The following R3HDM1 variants were observed in gnomAD, a reference collection of about 807,000 sequenced individuals.
R3HDM1 encodes the protein R3H domain containing 1, also known as R3H domain-containing protein 1.
A neutral mutation model predicts 141.1 loss-of-function variants in R3HDM1; 46 were observed. The observed-to-expected ratio is 0.33, with a 90% CI of 0.26 to 0.42. R3HDM1 has a LOEUF of 0.42. Among genes scored for constraint, R3HDM1 ranks in the 10% least tolerant of loss-of-function variants. The probability of loss-of-function intolerance (pLI) is 1.00; values close to 1 mark genes in which losing one functional copy is unlikely to be tolerated. For missense variants in R3HDM1, 1,184 were observed against 1,368.3 expected (o/e 0.87, Z 2.12); for synonymous variants, 435 against 472.9 (o/e 0.92, Z 1.04).
chr2:135,597,216 T>G (rs1441475616), intron 1 of R3HDM1: 4 of 976,988 alleles, frequency 4.1e-6, no homozygotes, highest in African/African-American at 1.8e-5. Context: ...TGTTGGTAAG[T>G]GTCATCATTA....
At chr2:135,698,052 CAAAAA>C (rs1193995693) in intron 21 of R3HDM1, among the ~76,000 whole-genome samples, 2 of 72,934 alleles carry the variant, frequency 2.7e-5, no homozygotes, top group Non-Finnish European at 2.8e-5. Context: ...AACTCTGTCT[CAAAAA>C]AAAAAAAAAA....
intron 19 of R3HDM1, among the ~76,000 whole-genome samples, chr2:135,662,519 G>A (rs997191759): frequency 2.0e-5 from 3 of 152,114 alleles, no homozygotes; most frequent in East Asian, 1.9e-4. Flanking sequence ...TAGTTTACAG[G>A]TTCTCCCCTT....
At chr2:135,690,160 A>G (rs1329027887) in intron 21 of R3HDM1, among the ~76,000 whole-genome samples, 1 of 151,964 alleles carries the variant, frequency 6.6e-6, no homozygotes, top group Non-Finnish European at 1.5e-5. Context: ...GTATTTCTCT[A>G]GTGTCCCTTT....
At chr2:135,669,727 A>G in intron 19 of R3HDM1, 2 of 269,972 alleles carry the variant, frequency 7.4e-6, no homozygotes, top group Non-Finnish European at 1.1e-5. Flanking sequence ...GCTGAAAAAC[A>G]GGGATAATAA....
intron 1 of R3HDM1, among the ~76,000 whole-genome samples, chr2:135,563,755 T>C (rs561461613): frequency 6.6e-5 from 10 of 152,304 alleles, no homozygotes; most frequent in African/African-American, 2.4e-4. Context: ...TTAGCTCTTA[T>C]GTATTATTCT....
At chr2:135,536,893 G>T (rs112742135) in intron 1 of R3HDM1, 144 of 190,452 alleles carry the variant, frequency 7.6e-4, no homozygotes, top group African/African-American at 3.2e-3. Flanking sequence ...GCATGCAAGG[G>T]ATCTGGGTTG....
chr2:135,646,179 C>A (rs13413639), intron 16 of R3HDM1, among the ~76,000 whole-genome samples: 72,634 of 148,808 alleles, frequency 0.49, 22,349 homozygotes, highest in East Asian at 0.88. Flanking sequence ...TCTGTCACCC[C>A]GGCTGGAGTG....
rs186696767 is a variant in R3HDM1, at chr2:135,650,017, A to G, written c.1725+14A>G. ...CAATACTCTGTGGTACTATATCTCT[A>G]TTCACCTCCTGCGTTGTTTCTGTGG... On this transcript the variant is annotated intron_variant, in intron 17 of 26. Coordinates refer to ENST00000683871, the MANE Select transcript of R3HDM1 (RefSeq NM_001378107.1). 463 of 1,235,652 alleles carry G rather than the reference A, an allele frequency of 3.7e-4. 1 individual carries two copies. Among genetic ancestry groups the G allele is most frequent in the Middle Eastern group, 9.0e-4 (4 of 4,458 alleles). 76.5% of individuals were successfully genotyped at this position (1,235,652 alleles called of 1,614,324 possible). A position where few individuals can be genotyped will look rare whatever the true frequency, so the allele number is the denominator to read the frequency against.
At chr2:135,567,420 T>G (rs763309761) in intron 1 of R3HDM1, among the ~76,000 whole-genome samples, 30 of 152,132 alleles carry the variant, frequency 2.0e-4, no homozygotes, top group Admixed American at 3.3e-4. Flanking sequence ...TAAGCTTTAC[T>G]TTTCACTCCC....
chr2:135,659,875 A>G lies in R3HDM1; in HGVS notation c.2029-1395A>G, dbSNP rs112562771. Among the ~76,000 whole-genome samples, 210 of 152,392 alleles carry G rather than the reference A, an allele frequency of 1.4e-3. 1 individual carries two copies. The highest frequency in any genetic ancestry group is 4.9e-3 in the African/African-American group (202 of 41,600). ...AAACAACTGCTAGCACAGTAGGACT[A>G]CAGACATGTGAGTGATGTATTGTGC... On this transcript the variant is annotated intron_variant, in intron 18 of 26. Coordinates refer to ENST00000683871, the MANE Select transcript of R3HDM1 (RefSeq NM_001378107.1).
At chr2:135,610,695 T>C (rs2060458942) in intron 3 of R3HDM1, among the ~76,000 whole-genome samples, 1 of 152,260 alleles carries the variant, frequency 6.6e-6, no homozygotes, top group African/African-American at 2.4e-5. Flanking sequence ...GATGAAACAA[T>C]TAACTTATTT....
At chr2:135,552,670 G>A (rs1700051088) in intron 1 of R3HDM1, among the ~76,000 whole-genome samples, 1 of 152,122 alleles carries the variant, frequency 6.6e-6, no homozygotes, top group Admixed American at 6.5e-5. Flanking sequence ...AGGCTTTAGA[G>A]GAAGTTGATA....
rs1382362897 is a variant in R3HDM1, at chr2:135,616,660, C to G, written c.214-8C>G. Reference sequence around the variant, plus strand: ...AATGTAGTGTTAATTATAAATACTTCTCTTTAGTCAAGCTCAAAGTTAAAG... The same window carrying G: ...AATGTAGTGTTAATTATAAATACTTGTCTTTAGTCAAGCTCAAAGTTAAAG... On this transcript the variant is annotated splice_region_variant and splice_polypyrimidine_tract_variant and intron_variant, in intron 4 of 26. Transcript: ENST00000683871. 1 of 1,586,320 alleles carries G rather than the reference C, an allele frequency of 6.3e-7. No homozygotes were observed. Among genetic ancestry groups the G allele is most frequent in the Non-Finnish European group, 8.6e-7 (1 of 1,158,938 alleles).
At chr2:135,584,471 A>G in intron 1 of R3HDM1, 1 of 789,682 alleles carries the variant, frequency 1.3e-6, no homozygotes, top group South Asian at 5.8e-5. Flanking sequence ...GTGTTTTAAC[A>G]TTTGTAAGGT....
rs1559465864 is a variant in R3HDM1, at chr2:135,699,032, TAGATAGATA to T, written c.2460-10400_2460-10392del. Among the ~76,000 whole-genome samples, 74 of 95,506 alleles carry T rather than the reference TAGATAGATA, an allele frequency of 7.7e-4. No homozygotes were observed. The East Asian group carries it at 0.019, about 25-fold the overall frequency. 62.7% of individuals were successfully genotyped at this position (95,506 alleles called of 152,430 possible). On this transcript the variant is annotated intron_variant, in intron 21 of 26. Coordinates refer to ENST00000683871, the MANE Select transcript of R3HDM1 (RefSeq NM_001378107.1). ...ATAGATAGATAGATAGATAGATAGATAGATAGATAGATAAGATAGATAAGATAGATTGAT... is the reference window on the plus strand; with the variant it reads ...ATAGATAGATAGATAGATAGATAGATGATAAGATAGATAAGATAGATTGAT...
chr2:135,542,321 C>T (rs1697773774), intron 1 of R3HDM1, among the ~76,000 whole-genome samples: 3 of 152,184 alleles, frequency 2.0e-5, no homozygotes, highest in African/African-American at 7.2e-5. Flanking sequence ...ATATATTTAA[C>T]ATAGTTCAAT....
chr2:135,663,821 A>C (rs936890231), intron 19 of R3HDM1, among the ~76,000 whole-genome samples: 1 of 152,064 alleles, frequency 6.6e-6, no homozygotes. Context: ...GAGGTCAGGA[A>C]TTTCAGACCA....
chr2:135,564,106 G>A (rs1358553343), intron 1 of R3HDM1, among the ~76,000 whole-genome samples: 1 of 152,058 alleles, frequency 6.6e-6, no homozygotes, highest in African/African-American at 2.4e-5. Context: ...CCACCCACCA[G>A]GTCTCACCTC....
Position 135,722,523 on chromosome 2 carries a change from G to A in R3HDM1, c.3019G>A (p.Ala1007Thr), listed in dbSNP as rs2076791557. 6.2e-7 allele frequency: 1 copy of A among 1,613,532 alleles called. No individual in the cohort carries two copies. The highest frequency in any genetic ancestry group is 1.3e-5 in the African/African-American group (1 of 74,820). ...AGGAAGGAGACAAGCTAAAAAAGCT[G>A]CATCCACAGACCTTGGAGCAGGAGA... ...NRGRRQAKKA[A>T]STDLGAGETV... The change falls in exon 26 of 27, where the codon GCA (alanine) becomes ACA (threonine). Residue 1007 changes from alanine (A) to threonine (T), a missense_variant. Physicochemically the swap from Ala to Thr is moderately conservative, Grantham distance 58. Transcript: ENST00000683871.
Sources: allele counts gnomAD v4.1 joint callset (sites outside exome capture counted in the v4.1 genomes callset), GRCh38; gene constraint gnomAD v4.1.1; transcripts MANE v1.5; gene names NCBI Gene and HGNC (gene_info 2026-07-23, HGNC 2026-07-21).